SLC16A7: variants seen among roughly 807,000 people sequenced by gnomAD.
The protein encoded by SLC16A7 is monocarboxylate transporter 2.
In SLC16A7, 33 loss-of-function variants were observed where a neutral mutation model predicts 34.9. The ratio of observed to expected loss-of-function variants is 0.94; its 90% CI spans 0.72 to 1.26. The LOEUF is 1.26. Among genes scored for constraint, SLC16A7 ranks in the 50% most tolerant of loss-of-function variants. The pLI, the probability that SLC16A7 is intolerant of heterozygous loss-of-function variation, is 0.00. For synonymous variants in SLC16A7, 201 were observed against 206.6 expected (o/e 0.97, Z 0.23); for missense variants, 573 against 578.1 (o/e 0.99, Z 0.09).
intron 1 of SLC16A7, among the ~76,000 whole-genome samples, chr12:59,621,742 C>T (rs1398125126): frequency 1.3e-5 from 2 of 151,168 alleles, no homozygotes; most frequent in East Asian, 1.9e-4. Context: ...ATTTTATATG[C>T]TAAGAAAGTA....
intron 1 of SLC16A7, among the ~76,000 whole-genome samples, chr12:59,597,691 G>A (rs1592373726): frequency 6.6e-6 from 1 of 152,250 alleles, no homozygotes; most frequent in South Asian, 2.1e-4. Flanking sequence ...CTAACTCCAG[G>A]TTCTACTTCT....
intron 3 of SLC16A7, among the ~76,000 whole-genome samples, chr12:59,750,589 G>A (rs886900932): frequency 2.0e-5 from 3 of 152,174 alleles, no homozygotes; most frequent in Non-Finnish European, 4.4e-5. Context: ...TGGAGAAATA[G>A]GAACACTTTT....
chr12:59,720,384 G>A (rs781591921), intron 3 of SLC16A7, among the ~76,000 whole-genome samples: 5 of 152,070 alleles, frequency 3.3e-5, no homozygotes, highest in Non-Finnish European at 5.9e-5. Context: ...AAAAGGACCA[G>A]TCATAGTAGG....
intron 1 of SLC16A7, among the ~76,000 whole-genome samples, chr12:59,626,218 T>G (rs1478301315): frequency 6.7e-6 from 1 of 149,940 alleles, no homozygotes; most frequent in Non-Finnish European, 1.5e-5. Context: ...ATTTTTTATG[T>G]CCTCCTTTTA....
At chr12:59,672,835 C>T (rs182835405) in intron 2 of SLC16A7, among the ~76,000 whole-genome samples, 2 of 152,162 alleles carry the variant, frequency 1.3e-5, no homozygotes. Flanking sequence ...GTGTGGGTTG[C>T]AAGAATGACA....
chr12:59,652,650 G>A (rs1490580404), intron 1 of SLC16A7, among the ~76,000 whole-genome samples: 1 of 151,658 alleles, frequency 6.6e-6, no homozygotes, highest in East Asian at 1.9e-4. Flanking sequence ...CCTTCCAAAG[G>A]CCTAGAGATT....
chr12:59,616,558 T>A (rs567824347), intron 1 of SLC16A7, among the ~76,000 whole-genome samples: 27 of 152,302 alleles, frequency 1.8e-4, no homozygotes, highest in African/African-American at 6.3e-4. Flanking sequence ...AGTTATCTTA[T>A]TTGCCTTCAG....
intron 2 of SLC16A7, among the ~76,000 whole-genome samples, chr12:59,669,230 A>G (rs1001935085): frequency 6.6e-6 from 1 of 152,244 alleles, no homozygotes; most frequent in Non-Finnish European, 1.5e-5. Flanking sequence ...ATCAAAATAT[A>G]TAAATACATG....
At chr12:59,636,099 A>G (rs759967088) in intron 1 of SLC16A7, among the ~76,000 whole-genome samples, 21 of 151,974 alleles carry the variant, frequency 1.4e-4, no homozygotes, top group Admixed American at 2.0e-4. Context: ...TGACTAACCA[A>G]TCTTCAAATA....
At chr12:59,629,220 T>C (rs557296745) in intron 1 of SLC16A7, among the ~76,000 whole-genome samples, 8 of 151,856 alleles carry the variant, frequency 5.3e-5, no homozygotes, top group African/African-American at 1.9e-4. Context: ...CACCTTCTAA[T>C]ACAATCACAT....
rs375448738 is a variant in SLC16A7, at chr12:59,717,608, C to T, written c.217+12590C>T. Among the ~76,000 whole-genome samples, 200 of 152,198 alleles carry T rather than the reference C, an allele frequency of 1.3e-3. 6 individuals are homozygous for T. The South Asian group carries it at 0.022, about 16-fold the overall frequency. On this transcript the variant is annotated intron_variant, in intron 3 of 5. Transcript: ENST00000547379. ...TTTCAAAGGCAACATAACCTCTGCC[C>T]CTTAGAGTTGGCTCCCAAATTAGAT... is the stretch of plus-strand genomic sequence containing the variant.
intron 1 of SLC16A7, among the ~76,000 whole-genome samples, chr12:59,599,568 G>C (rs1043271985): frequency 1.3e-5 from 2 of 152,190 alleles, no homozygotes; most frequent in East Asian, 3.9e-4. Flanking sequence ...TTAAGCCACT[G>C]GCTGGCTTTG....
intron 2 of SLC16A7, among the ~76,000 whole-genome samples, chr12:59,695,550 T>C (rs1872189821): frequency 6.6e-6 from 1 of 152,068 alleles, no homozygotes; most frequent in Non-Finnish European, 1.5e-5. Context: ...TTACTCATAG[T>C]CTTCCTAGTC....
Position 59,782,647 on chromosome 12 carries a change from G to A in SLC16A7, c.*2968G>A, listed in dbSNP as rs1265443984. 1 of 152,184 alleles carries A rather than the reference G, an allele frequency of 6.6e-6. No homozygotes were observed. Among genetic ancestry groups the A allele is most frequent in the East Asian group, 1.9e-4 (1 of 5,180 alleles). The allele number at this position is 152,184 out of a possible 1,614,324, so 9.4% of individuals were successfully genotyped here. ...CTACTTTAACTATTTTTTCATTCGTGTTAACTGAGCCCCCCATATTTTTTA... is the reference window on the plus strand; with the variant it reads ...CTACTTTAACTATTTTTTCATTCGTATTAACTGAGCCCCCCATATTTTTTA... On this transcript the variant is annotated 3_prime_UTR_variant, in exon 6 of 6. Coordinates refer to ENST00000547379, the MANE Select transcript of SLC16A7 (RefSeq NM_001270623.2).
chr12:59,754,236 A>C (rs937741536), intron 3 of SLC16A7, among the ~76,000 whole-genome samples: 1 of 152,212 alleles, frequency 6.6e-6, no homozygotes, highest in Non-Finnish European at 1.5e-5. Flanking sequence ...AGCTAGGAGA[A>C]GGCAAGAAAT....
At chr12:59,676,411 T>C (rs1396806281) in intron 2 of SLC16A7, among the ~76,000 whole-genome samples, 2 of 151,826 alleles carry the variant, frequency 1.3e-5, no homozygotes, top group Admixed American at 6.6e-5. Context: ...TTTTCTCTTT[T>C]GATGTTAAGT....
chr12:59,621,613 C>T (rs1879699340), intron 1 of SLC16A7, among the ~76,000 whole-genome samples: 1 of 151,826 alleles, frequency 6.6e-6, no homozygotes, highest in African/African-American at 2.4e-5. Flanking sequence ...AGGCAAAACA[C>T]TTAGATTATG....
At chr12:59,635,460 C>G (rs1029459840) in intron 1 of SLC16A7, among the ~76,000 whole-genome samples, 2 of 152,010 alleles carry the variant, frequency 1.3e-5, no homozygotes, top group Non-Finnish European at 1.5e-5. Flanking sequence ...ATGACACAAT[C>G]CAATGCTTTT....
intron 1 of SLC16A7, among the ~76,000 whole-genome samples, chr12:59,619,240 T>C (rs17122713): frequency 0.018 from 2,675 of 152,208 alleles, 75 homozygotes; most frequent in African/African-American, 0.061. Flanking sequence ...TTCATTTCAA[T>C]TTAATATCAT....
Sources: gnomAD v4.1 joint callset for allele counts (sites outside exome capture counted in the v4.1 genomes callset) on GRCh38, gnomAD v4.1.1 for gene constraint, MANE v1.5 for transcripts, NCBI Gene and HGNC (gene_info 2026-07-23, HGNC 2026-07-21) for gene names.